Variants in CCDC178 observed in about 807,000 individuals in gnomAD.
CCDC178 encodes the protein coiled-coil domain containing 178, also known as coiled-coil domain-containing protein 178.
CCDC178 carries 126 observed loss-of-function variants against 117.4 expected under a neutral mutation model. That is an observed-to-expected ratio of 1.07 (90% CI 0.93 to 1.24). CCDC178 has a LOEUF of 1.24. CCDC178 is among the 50% of genes most tolerant of loss of function. CCDC178 has a pLI of 0.00. For missense variants in CCDC178, 1,030 were observed against 986.9 expected (o/e 1.04, Z -0.59); for synonymous variants, 283 against 313.4 (o/e 0.90, Z 1.02).
chr18:33,033,087 G>A (rs547946747), intron 21 of CCDC178, among the ~76,000 whole-genome samples: 1 of 152,114 alleles, frequency 6.6e-6, no homozygotes, highest in East Asian at 1.9e-4. Context: ...TCCCATCACT[G>A]CTCTCATTTA....
chr18:33,400,959 T>C (rs985835417), intron 3 of CCDC178, among the ~76,000 whole-genome samples: 5 of 152,164 alleles, frequency 3.3e-5, no homozygotes, highest in Admixed American at 2.6e-4. Flanking sequence ...TTAGAGGGCA[T>C]TGTAAGGTTA....
chr18:33,258,892 A>G lies in CCDC178; in HGVS notation c.1409+8024T>C, dbSNP rs543238638. Reference sequence around the variant, plus strand: ...GATAAAAATTATTAATCTCTATATTATTTTATGTATTTTATACAATGTAAC... The same window carrying G: ...GATAAAAATTATTAATCTCTATATTGTTTTATGTATTTTATACAATGTAAC... On this transcript the variant is annotated intron_variant, in intron 14 of 22. Transcript: ENST00000383096. Among the ~76,000 whole-genome samples the G allele has an allele frequency of 1.6e-4, 25 of 152,242 alleles. 1 individual carries two copies. In the South Asian group the frequency reaches 5.2e-3, roughly 32 times the overall value.
chr18:33,330,289 T>A (rs1789197602), intron 10 of CCDC178, among the ~76,000 whole-genome samples: 1 of 152,150 alleles, frequency 6.6e-6, no homozygotes, highest in African/African-American at 2.4e-5. Context: ...TGCATGACAT[T>A]TATAGCCTTT....
intron 12 of CCDC178, among the ~76,000 whole-genome samples, chr18:33,286,210 G>T (rs2060097741): frequency 1.3e-5 from 2 of 151,908 alleles, no homozygotes; most frequent in Non-Finnish European, 2.9e-5. Context: ...CTCCTGACCT[G>T]GTGATCCATC....
At chr18:33,272,059 A>T (rs2059897696) in intron 12 of CCDC178, among the ~76,000 whole-genome samples, 1 of 151,452 alleles carries the variant, frequency 6.6e-6, no homozygotes, top group Admixed American at 6.6e-5. Context: ...TTTTTAAAAA[A>T]CTACAGTGAG....
intron 11 of CCDC178, among the ~76,000 whole-genome samples, chr18:33,294,166 A>G (rs945664830): frequency 4.6e-5 from 7 of 152,206 alleles, no homozygotes; most frequent in African/African-American, 1.7e-4. Context: ...TGAACCACAC[A>G]ATCCTTTATC....
At chr18:33,176,498 C>G (rs752911969) in intron 20 of CCDC178, among the ~76,000 whole-genome samples, 2 of 152,142 alleles carry the variant, frequency 1.3e-5, no homozygotes, top group Non-Finnish European at 2.9e-5. Context: ...AAGGTGAGAA[C>G]TGTCTTAGCT....
At chr18:33,072,934 C>A (rs1421215496) in intron 21 of CCDC178, among the ~76,000 whole-genome samples, 4 of 151,996 alleles carry the variant, frequency 2.6e-5, no homozygotes, top group African/African-American at 9.7e-5. Context: ...ATAATCAAAG[C>A]AAATGAATTA....
intron 21 of CCDC178, among the ~76,000 whole-genome samples, chr18:33,090,201 A>G (rs2057442256): frequency 6.6e-6 from 1 of 152,176 alleles, no homozygotes; most frequent in Admixed American, 6.6e-5. Context: ...TCACTCTTTC[A>G]TTAGGTTTTC....
At chr18:33,029,420 G>A (rs980035520) in intron 21 of CCDC178, among the ~76,000 whole-genome samples, 3 of 151,792 alleles carry the variant, frequency 2.0e-5, no homozygotes, top group African/African-American at 7.2e-5. Flanking sequence ...TATAGTTAAA[G>A]TTTTGTCAAT....
At chr18:33,419,345 G>A (rs1253702733) in intron 2 of CCDC178, among the ~76,000 whole-genome samples, 1 of 152,170 alleles carries the variant, frequency 6.6e-6, no homozygotes, top group Non-Finnish European at 1.5e-5. Context: ...AACCCTGGAA[G>A]ATAACCTAGG....
At chr18:33,347,859 T>A (rs1438121575) in intron 8 of CCDC178, among the ~76,000 whole-genome samples, 1 of 151,230 alleles carries the variant, frequency 6.6e-6, no homozygotes, top group African/African-American at 2.4e-5. Flanking sequence ...TAACATCTCA[T>A]TTTTTTTTCT....
At chr18:32,978,097 G>A (rs910966832) in intron 21 of CCDC178, among the ~76,000 whole-genome samples, 7 of 151,950 alleles carry the variant, frequency 4.6e-5, no homozygotes, top group African/African-American at 1.7e-4. Context: ...CTAGCTTGAG[G>A]TAGCCATAAA....
rs535050574 is a variant in CCDC178 at position 33,239,208 on chromosome 18, G to A, written c.1593+6037C>T. 2.0e-5 allele frequency among the ~76,000 whole-genome samples: 3 copies of A among 152,002 alleles called. No homozygotes were observed. The South Asian group carries it at 6.2e-4, about 32-fold the overall frequency. ...CTCACTGGCAGAGCCAATATACACA[G>A]TAGAAAGAGAAAAGAGTCAAACCTT... On this transcript the variant is annotated intron_variant, in intron 15 of 22. Coordinates refer to ENST00000383096, the MANE Select transcript of CCDC178 (RefSeq NM_001105528.4).
intron 6 of CCDC178, 46 bp from the exon 7 acceptor site, chr18:33,356,392 T>TA: frequency 2.1e-6 from 3 of 1,414,826 alleles, no homozygotes; most frequent in South Asian, 1.3e-5. Flanking sequence ...TTAAACATAT[T>TA]AAAAAACTGA....
At chr18:33,392,111 C>A (rs565320595) in intron 4 of CCDC178, among the ~76,000 whole-genome samples, 1 of 151,848 alleles carries the variant, frequency 6.6e-6, no homozygotes, top group African/African-American at 2.4e-5. Context: ...GTGATCCGCC[C>A]GCCTTGGCCT....
chr18:33,090,693 C>T (rs1044551364), intron 21 of CCDC178, among the ~76,000 whole-genome samples: 3 of 152,182 alleles, frequency 2.0e-5, no homozygotes, highest in African/African-American at 7.2e-5. Context: ...CTGACAAGGG[C>T]AGCCTGCACT....
chr18:33,428,400 T>C (rs527504368), intron 2 of CCDC178, among the ~76,000 whole-genome samples: 1 of 152,220 alleles, frequency 6.6e-6, no homozygotes, highest in African/African-American at 2.4e-5. Context: ...CCTAAAGCAC[T>C]GAGAGGTTAA....
intron 3 of CCDC178, among the ~76,000 whole-genome samples, chr18:33,411,646 T>C (rs917079670): frequency 6.6e-6 from 1 of 152,148 alleles, no homozygotes; most frequent in African/African-American, 2.4e-5. Flanking sequence ...GATGTGATAG[T>C]AAAAGTTTAA....
Sources: gnomAD v4.1 joint callset for allele counts (sites outside exome capture counted in the v4.1 genomes callset) on GRCh38, gnomAD v4.1.1 for gene constraint, MANE v1.5 for transcripts, NCBI Gene and HGNC (gene_info 2026-07-23, HGNC 2026-07-21) for gene names.